NOTCH3: variants seen among roughly 807,000 people sequenced by gnomAD.
The protein encoded by NOTCH3 is neurogenic locus notch homolog protein 3.
NOTCH3 carries 86 observed loss-of-function variants against 213.3 expected under a neutral mutation model. That is an observed-to-expected ratio of 0.40 (90% CI 0.34 to 0.48). NOTCH3 has a LOEUF of 0.48. NOTCH3 is among the 20% of genes least tolerant of loss of function. The pLI is 0.57. For synonymous variants in NOTCH3, 1,354 were observed against 1,355.9 expected (o/e 1.00, Z 0.03); for missense variants, 2,783 against 3,272.6 (o/e 0.85, Z 3.65).
intron 31 of NOTCH3, among the ~76,000 whole-genome samples, chr19:15,164,958 A>C (rs1385352572): frequency 6.6e-6 from 1 of 152,042 alleles, no homozygotes; most frequent in Non-Finnish European, 1.5e-5. Flanking sequence ...TCTTTCAAAA[A>C]ACTTTTGTAG....
At chr19:15,189,924 A>G (rs1429504464) in intron 6 of NOTCH3, among the ~76,000 whole-genome samples, 1 of 152,154 alleles carries the variant, frequency 6.6e-6, no homozygotes, top group African/African-American at 2.4e-5. Context: ...TATACCCACC[A>G]CCTAGATTCA....
In NOTCH3 at chr19:15,187,245, G is replaced by T. The variant is rs1169628579; in HGVS notation, c.1700C>A (p.Ser567Ter). ...GRCVDGIASF[S>*]CACAPGYTGT... Reference sequence around the variant, plus strand: ...CGTGTAGCCAGGAGCACAGGCACATGAGAAGCTGGCGATGCCATCCACGCA... The same window carrying T: ...CGTGTAGCCAGGAGCACAGGCACATTAGAAGCTGGCGATGCCATCCACGCA... Residue 567 changes from serine to a stop codon, truncating the protein, a stop_gained, in exon 11 of 33, where the codon TCA (serine) becomes TAA (stop). Coordinates refer to ENST00000263388, the MANE Select transcript of NOTCH3 (RefSeq NM_000435.3). LOFTEE classifies it high-confidence loss of function. 6.2e-7 allele frequency: 1 copy of T among 1,614,022 alleles called. No individual in the cohort carries two copies.
chr19:15,195,307 T>C (rs1405895314), intron 2 of NOTCH3, among the ~76,000 whole-genome samples: 1 of 151,690 alleles, frequency 6.6e-6, no homozygotes, highest in Non-Finnish European at 1.5e-5. Flanking sequence ...TGCAGCCCCC[T>C]CCCCAAGCCC....
In NOTCH3 at chr19:15,159,722, A is replaced by G. The variant is rs1045559879; in HGVS notation, c.*940T>C. ...GGAATTCAGCTACACAGGGATTTTGACCAGAAGCCATATTACAAAAATAGC... is the reference window on the plus strand; with the variant it reads ...GGAATTCAGCTACACAGGGATTTTGGCCAGAAGCCATATTACAAAAATAGC... On this transcript the variant is annotated 3_prime_UTR_variant, in exon 33 of 33. Coordinates refer to ENST00000263388, the MANE Select transcript of NOTCH3 (RefSeq NM_000435.3). 1.3e-5 allele frequency: 3 copies of G among 232,900 alleles called. No homozygotes were observed. Among genetic ancestry groups the G allele is most frequent in the Non-Finnish European group, 2.5e-5 (3 of 117,906 alleles). The allele number at this position is 232,900 out of a possible 1,614,324, so 14.4% of individuals were successfully genotyped here.
chr19:15,161,782 T>C, intron 32 of NOTCH3, 68 bp from the exon 33 acceptor site: 4 of 1,399,858 alleles, frequency 2.9e-6, no homozygotes, highest in African/African-American at 1.4e-5. Context: ...TCCAGCCTCT[T>C]GGGGGAGCCC....
chr19:15,165,335 C>A lies in NOTCH3; in HGVS notation c.5815+33G>T, dbSNP rs1430275650. On this transcript the variant is annotated intron_variant, in intron 31 of 32. Coordinates refer to ENST00000263388, the MANE Select transcript of NOTCH3 (RefSeq NM_000435.3). The surrounding 1 kb of genome is among the most constrained non-coding windows in gnomAD (Gnocchi z 4.7). ...ACCCTCAGGGCCCAGGTGACACCAA[C>A]CCAGCTTAGACTTGATTCCTCTGCC... 1.9e-6 allele frequency: 3 copies of A among 1,600,368 alleles called. No individual in the cohort carries two copies.
At chr19:15,169,824 T>TGGGGAGGGGCAGGATGGA (rs1288213586) in intron 28 of NOTCH3, among the ~76,000 whole-genome samples, 1 of 152,082 alleles carries the variant, frequency 6.6e-6, no homozygotes, top group Non-Finnish European at 1.5e-5. Flanking sequence ...GGATCCTGGC[T>TGGGGAGGGGCAGGATGGA]GGGGAGGGGC....
In NOTCH3 at chr19:15,197,744, C is replaced by T. The variant is rs11668125; in HGVS notation, c.119-166G>A. 2.6e-5 allele frequency among the ~76,000 whole-genome samples: 3 copies of T among 113,306 alleles called. No homozygotes were observed. The Admixed American group carries it at 2.9e-4, about 11-fold the overall frequency. 74.3% of individuals were successfully genotyped at this position (113,306 alleles called of 152,430 possible). ...ATCCACAGTTCCCACGCCCCCCCCC[C>T]CCCCGCCCCAGCCCCAGCTGTTGAG... On this transcript the variant is annotated intron_variant, in intron 1 of 32. Transcript: ENST00000263388.
chr19:15,186,070 C>T (rs1452947341), intron 12 of NOTCH3, among the ~76,000 whole-genome samples: 5 of 151,936 alleles, frequency 3.3e-5, no homozygotes, highest in South Asian at 2.1e-4. Flanking sequence ...CCACGTCTGG[C>T]TAATTGTGTG....
chr19:15,175,533 T>A (rs1322775840), intron 24 of NOTCH3, among the ~76,000 whole-genome samples: 24 of 44,216 alleles, frequency 5.4e-4, no homozygotes, highest in South Asian at 1.1e-3. Context: ...AAATCCTGTC[T>A]AAAAAAAAAA....
chr19:15,170,546 C>A lies in NOTCH3; in HGVS notation c.4899G>T (p.Pro1633=). The A allele has an allele frequency of 6.2e-7, 1 of 1,608,786 alleles. No homozygotes were observed. The highest frequency in any genetic ancestry group is 2.2e-5 in the East Asian group (1 of 44,852). The change falls in exon 27 of 33, where the codon CCG becomes CCT. Residue 1633 remains proline (P), a synonymous_variant. Transcript: ENST00000263388. The stretch of plus-strand genomic sequence containing the variant: ...GGACGCTGGGTTCTGGAGGCTCCAG[C>A]GGCTCCCCTAAGAGCAGGAAGCAGA... ...PYPLRDVRGE[P]LEPPEPSVPL... is the part of the protein sequence containing the mutation.
chr19:15,167,127 C>T lies in NOTCH3; in HGVS notation c.5362+122G>A, dbSNP rs1548554. The T allele has an allele frequency of 0.89, 933,185 of 1,052,694 alleles. 415,152 individuals are homozygous for T. Among genetic ancestry groups the T allele is most frequent in the African/African-American group, 0.98 (62,858 of 64,376 alleles). The allele number at this position is 1,052,694 out of a possible 1,614,324, so 65.2% of individuals were successfully genotyped here. A position where few individuals can be genotyped will look rare whatever the true frequency, so the allele number is the denominator to read the frequency against. On this transcript the variant is annotated intron_variant, in intron 29 of 32. Coordinates refer to ENST00000263388, the MANE Select transcript of NOTCH3 (RefSeq NM_000435.3). ...TTCCAACCAAGAGTGTTGCTGAATA[C>T]ACACACCCTTCACAGAAGCTTAGAG...
Position 15,165,260 on chromosome 19 carries a change from T to G in NOTCH3, c.5815+108A>C. On this transcript the variant is annotated intron_variant, in intron 31 of 32. Transcript: ENST00000263388. The surrounding 1 kb of genome is among the most constrained non-coding windows in gnomAD (Gnocchi z 4.7). ...TTCATGAAGCCTGGTTATGTGTGCGTGAGCTTCAGTGATTGGGTCTCAACA... is the reference window on the plus strand; with the variant it reads ...TTCATGAAGCCTGGTTATGTGTGCGGGAGCTTCAGTGATTGGGTCTCAACA... 1.7e-6 allele frequency: 2 copies of G among 1,178,812 alleles called. No individual in the cohort carries two copies. The highest frequency in any genetic ancestry group is 2.5e-6 in the Non-Finnish European group (2 of 797,554). The allele number at this position is 1,178,812 out of a possible 1,614,324, so 73.0% of individuals were successfully genotyped here.
rs1248370320 is a variant in NOTCH3, at chr19:15,170,557, A to G, written c.4892-4T>C. 6.2e-7 allele frequency: 1 copy of G among 1,608,196 alleles called. No individual in the cohort carries two copies. On this transcript the variant is annotated splice_polypyrimidine_tract_variant and splice_region_variant and intron_variant, in intron 26 of 32. Transcript: ENST00000263388. ...TCTGGAGGCTCCAGCGGCTCCCCTA[A>G]GAGCAGGAAGCAGAGGGCGGGGCTT...
chr19:15,175,615 G>C (rs11880303), intron 24 of NOTCH3, among the ~76,000 whole-genome samples: 1 of 66,852 alleles, frequency 1.5e-5, no homozygotes, highest in Non-Finnish European at 3.2e-5. Flanking sequence ...ACACACACAC[G>C]CACGCACACA....
At chr19:15,174,482 G>C in intron 24 of NOTCH3, 82 bp from the exon 25 acceptor site, 2 of 1,013,132 alleles carry the variant, frequency 2.0e-6, no homozygotes, top group Non-Finnish European at 2.8e-6. Context: ...ACACCGTAGA[G>C]TACAGAGACT....
In NOTCH3 at chr19:15,181,163, C is replaced by T. The variant is rs1223134017; in HGVS notation, c.2793-1G>A. The T allele has an allele frequency of 1.2e-6, 2 of 1,610,822 alleles. No homozygotes were observed. The highest frequency in any genetic ancestry group is 1.7e-6 in the Non-Finnish European group (2 of 1,179,136). On this transcript the variant is annotated splice_acceptor_variant, in intron 17 of 32. Transcript: ENST00000263388. LOFTEE classifies it high-confidence loss of function. Reference sequence around the variant, plus strand: ...ACAGGTCCCGCCATTGAAGCAGGAGCTGGAGCGGAAGGAGTGGGAGGGAGG... The same window carrying T: ...ACAGGTCCCGCCATTGAAGCAGGAGTTGGAGCGGAAGGAGTGGGAGGGAGG...
Position 15,170,693 on chromosome 19 carries a change from C to G in NOTCH3, c.4869G>C (p.Pro1623=), listed in dbSNP as rs148574670. 539 of 1,587,626 alleles carry G rather than the reference C, an allele frequency of 3.4e-4. No individual in the cohort carries two copies. The highest frequency in any genetic ancestry group is 4.4e-4 in the Non-Finnish European group (512 of 1,168,182). ...CACCCCGCACGTCCCGCAGTGGGTA[C>G]GGGAAGTCCAGGCGCTCCACCGCTG... ...ALSAVERLDF[P]YPLRDVRGEP... Residue 1623 remains proline, a synonymous_variant, in exon 26 of 33, where the codon CCG becomes CCC. Coordinates refer to ENST00000263388, the MANE Select transcript of NOTCH3 (RefSeq NM_000435.3).
rs1672798649 is a variant in NOTCH3, at chr19:15,178,918, A to T, written c.3742T>A (p.Ser1248Thr). Residue 1248 changes from serine to threonine, a missense_variant, in exon 23 of 33, where the codon TCT (serine) becomes ACT (threonine). By Grantham distance (58) the Ser-to-Thr change is moderately conservative. Around this residue, in one of 6 missense-constraint regions of NOTCH3, gnomAD observed 861 missense variants for 909.1 expected, o/e 0.95. Transcript: ENST00000263388. ...TGGCATGGCTGGGACTCGCAGGGAG[A>T]CAGGACAGTCTGACAGCGAGGACCT... is the stretch of plus-strand genomic sequence containing the variant. The part of the protein sequence containing the change: ...FSGPRCQTVL[S>T]PCESQPCQHG... The T allele has an allele frequency of 6.2e-7, 1 of 1,613,634 alleles. No homozygotes were observed. Among genetic ancestry groups the T allele is most frequent in the Admixed American group, 1.7e-5 (1 of 59,972 alleles).
Sources: gnomAD v4.1 joint callset for allele counts (sites outside exome capture counted in the v4.1 genomes callset) on GRCh38, gnomAD v4.1.1 for gene constraint, gnomAD v4.1.1 regional missense constraint, Gnocchi (gnomAD v3.1) non-coding constraint, MANE v1.5 for transcripts, NCBI Gene and HGNC (gene_info 2026-07-23, HGNC 2026-07-21) for gene names.